The following CNTN5 variants were observed in gnomAD, a reference collection of about 807,000 sequenced individuals.
The protein encoded by CNTN5 is contactin-5.
CNTN5 carries 77 observed loss-of-function variants against 129.1 expected under a neutral mutation model. That is an observed-to-expected ratio of 0.60 (90% CI 0.50 to 0.72). The LOEUF (loss-of-function observed/expected upper bound fraction) is 0.72. CNTN5 is among the 30% of genes least tolerant of loss of function. The probability of loss-of-function intolerance (pLI) is 0.00; values close to 1 mark genes in which losing one functional copy is unlikely to be tolerated. For synonymous variants in CNTN5, 509 were observed against 465.6 expected (o/e 1.09, Z -1.20); for missense variants, 1,478 against 1,328.8 (o/e 1.11, Z -1.75).
chr11:99,839,993 GAAAA>G (rs201223027), intron 4 of CNTN5, among the ~76,000 whole-genome samples: 1 of 150,672 alleles, frequency 6.6e-6, no homozygotes, highest in African/African-American at 2.4e-5. Context: ...CTGAGTCACA[GAAAA>G]AAAAATCGTA....
At chr11:100,159,274 A>G (rs1423216354) in intron 13 of CNTN5, among the ~76,000 whole-genome samples, 4 of 151,868 alleles carry the variant, frequency 2.6e-5, no homozygotes. Flanking sequence ...AGGTTTTAAA[A>G]TGTTGCCAAT....
At chr11:99,414,071 G>T (rs1452663810) in intron 2 of CNTN5, among the ~76,000 whole-genome samples, 1 of 152,150 alleles carries the variant, frequency 6.6e-6, no homozygotes, top group East Asian at 1.9e-4. Flanking sequence ...ATCCCAAGTT[G>T]TCAGTGTTAA....
chr11:100,256,671 C>T (rs1950076934), intron 17 of CNTN5, among the ~76,000 whole-genome samples: 1 of 152,050 alleles, frequency 6.6e-6, no homozygotes, highest in Non-Finnish European at 1.5e-5. Context: ...CAGCATGGGG[C>T]ATTGCCTCAC....
At chr11:99,435,967 T>C (rs1483514665) in intron 2 of CNTN5, among the ~76,000 whole-genome samples, 1 of 152,210 alleles carries the variant, frequency 6.6e-6, no homozygotes, top group African/African-American at 2.4e-5. Context: ...AAAAAGGTCG[T>C]ATTCAACTTT....
At chr11:99,477,004 C>T (rs995074015) in intron 2 of CNTN5, among the ~76,000 whole-genome samples, 1 of 151,666 alleles carries the variant, frequency 6.6e-6, no homozygotes, top group African/African-American at 2.4e-5. Flanking sequence ...TACCATCTCT[C>T]CAGTCAGACT....
chr11:100,146,657 G>C (rs1010276217), intron 13 of CNTN5, among the ~76,000 whole-genome samples: 5 of 152,092 alleles, frequency 3.3e-5, no homozygotes, highest in African/African-American at 1.2e-4. Flanking sequence ...TTCTCAGCGA[G>C]TAGATCATAT....
intron 2 of CNTN5, among the ~76,000 whole-genome samples, chr11:99,348,984 C>A (rs1434712183): frequency 6.6e-6 from 1 of 152,140 alleles, no homozygotes; most frequent in Non-Finnish European, 1.5e-5. Flanking sequence ...ACAAAGATCC[C>A]TACGGTCACA....
At chr11:99,689,441 A>G (rs1036887854) in intron 3 of CNTN5, among the ~76,000 whole-genome samples, 7 of 145,052 alleles carry the variant, frequency 4.8e-5, no homozygotes, top group Non-Finnish European at 4.5e-5. Context: ...GCAGGAGAAT[A>G]GCGTGAACCC....
chr11:99,761,803 T>C (rs1356317914), intron 3 of CNTN5, among the ~76,000 whole-genome samples: 1 of 116,774 alleles, frequency 8.6e-6, no homozygotes, highest in African/African-American at 3.2e-5. Context: ...CTGGGTCAAA[T>C]GGTATTTCTA....
At chr11:100,064,760 G>T (rs1943630488) in intron 10 of CNTN5, among the ~76,000 whole-genome samples, 1 of 151,988 alleles carries the variant, frequency 6.6e-6, no homozygotes, top group South Asian at 2.1e-4. Flanking sequence ...TTGAACTCTT[G>T]CTTGGTAAAG....
chr11:99,395,570 C>G (rs1352794582), intron 2 of CNTN5, among the ~76,000 whole-genome samples: 1 of 151,720 alleles, frequency 6.6e-6, no homozygotes, highest in Admixed American at 6.6e-5. Context: ...TCAATTTTTA[C>G]TTTTGGTGCC....
At chr11:99,722,260 A>C (rs559058002) in intron 3 of CNTN5, among the ~76,000 whole-genome samples, 1 of 152,222 alleles carries the variant, frequency 6.6e-6, no homozygotes, top group Non-Finnish European at 1.5e-5. Context: ...GATTACATAA[A>C]GAAAATGTGG....
At chr11:100,279,518 T>G (rs184952764) in intron 18 of CNTN5, among the ~76,000 whole-genome samples, 68 of 152,024 alleles carry the variant, frequency 4.5e-4, no homozygotes, top group Non-Finnish European at 2.8e-4. Context: ...AAGTTTTGAA[T>G]TTATTCATAG....
chr11:99,812,251 G>T lies in CNTN5; in HGVS notation c.56-7293G>T, dbSNP rs1381062185. On this transcript the variant is annotated intron_variant, in intron 3 of 24. Transcript: ENST00000524871. ...AACTTTTCTTTTAGAATTTGTTTTTGGGAATACACCTGTTAGGAAAATAAA... is the reference window on the plus strand; with the variant it reads ...AACTTTTCTTTTAGAATTTGTTTTTTGGAATACACCTGTTAGGAAAATAAA... Among the ~76,000 whole-genome samples the T allele has an allele frequency of 3.3e-5, 5 of 152,088 alleles. No individual in the cohort carries two copies. In the East Asian group the frequency reaches 9.7e-4, roughly 29 times the overall value.
At chr11:99,522,119 C>A (rs1462327966) in intron 2 of CNTN5, among the ~76,000 whole-genome samples, 1 of 152,100 alleles carries the variant, frequency 6.6e-6, no homozygotes, top group Admixed American at 6.6e-5. Context: ...TTTTCTTTTT[C>A]TCTCTCTTAT....
chr11:99,260,053 A>G (rs1264221380), intron 1 of CNTN5, among the ~76,000 whole-genome samples: 1 of 151,688 alleles, frequency 6.6e-6, no homozygotes, highest in Non-Finnish European at 1.5e-5. Context: ...TTGTCCCTAT[A>G]TATTGTTTTC....
At chr11:100,001,356 G>A (rs1939864524) in intron 8 of CNTN5, among the ~76,000 whole-genome samples, 1 of 152,144 alleles carries the variant, frequency 6.6e-6, no homozygotes, top group Non-Finnish European at 1.5e-5. Flanking sequence ...CCATGATCCA[G>A]TCACCTCCTA....
intron 4 of CNTN5, among the ~76,000 whole-genome samples, chr11:99,822,772 A>G (rs900357344): frequency 1.2e-4 from 18 of 152,246 alleles, no homozygotes; most frequent in African/African-American, 4.3e-4. Flanking sequence ...TGGCATTTAC[A>G]ATGTAATCTC....
intron 3 of CNTN5, among the ~76,000 whole-genome samples, chr11:99,809,139 T>A (rs1232080871): frequency 6.6e-6 from 1 of 152,124 alleles, no homozygotes. Context: ...AAATTTTTGT[T>A]TACTCTATGG....
Sources: allele counts gnomAD v4.1 joint callset (sites outside exome capture counted in the v4.1 genomes callset), GRCh38; gene constraint gnomAD v4.1.1; transcripts MANE v1.5; gene names NCBI Gene and HGNC (gene_info 2026-07-23, HGNC 2026-07-21).